Variants in HTATSF1 observed in about 807,000 individuals in gnomAD.
The protein encoded by HTATSF1 is 17S U2 SnRNP complex component HTATSF1.
A neutral mutation model predicts 46.1 loss-of-function variants in HTATSF1; 6 were observed. The observed-to-expected ratio is 0.13, with a 90% CI of 0.07 to 0.26. HTATSF1 has a LOEUF of 0.26. HTATSF1 is among the 10% of genes least tolerant of loss of function. The pLI is 1.00. For missense variants in HTATSF1, 452 were observed against 559.9 expected, an observed-to-expected ratio of 0.81 and a Z score of 1.94; for synonymous variants, 226 against 211.5, an observed-to-expected ratio of 1.07 and a Z score of -0.60.
chrX:136,510,698 A>G, intron 8 of HTATSF1, 110 bp from the exon 9 acceptor site: 1 of 864,865 alleles, frequency 1.2e-6, no homozygotes, highest in Non-Finnish European at 1.6e-6. Context: ...TTCATTTCCT[A>G]ATAAGAGATG....
chrX:136,507,266 A>G (rs926585541), intron 6 of HTATSF1, among the ~76,000 whole-genome samples: 3 of 112,192 alleles, frequency 2.7e-5, no homozygotes, highest in African/African-American at 9.7e-5. Flanking sequence ...TAGAAGCAAC[A>G]TACCTAAGAA....
chrX:136,501,463 A>T (rs1255829033), intron 4 of HTATSF1, among the ~76,000 whole-genome samples: 1 of 112,654 alleles, frequency 8.9e-6, no homozygotes, highest in African/African-American at 3.2e-5. Flanking sequence ...GAGTGGTATT[A>T]AGAGAAATTT....
Position 136,511,395 on chromosome X carries a change from A to C in HTATSF1, c.1650A>C (p.Glu550Asp). 8.3e-7 allele frequency: 1 copy of C among 1,211,370 alleles called. No individual in the cohort carries two copies. The part of the protein sequence containing the change: ...EEDDSEKESD[E>D]DCSEKQSEDG... ...ATGACTCAGAGAAAGAGTCTGATGA[A>C]GACTGCTCTGAAAAACAGTCTGAAG... The change falls in exon 9 of 9, where the codon GAA becomes GAC. Residue 550 changes from glutamate (E) to aspartate (D), a missense_variant. Glu to Asp is a conservative substitution (Grantham distance 45, BLOSUM62 2). This residue lies in a region of HTATSF1 where 246 missense variants were observed against 245.3 expected (regional missense o/e 1.00). Transcript: ENST00000218364.
chrX:136,504,233 G>C (rs1392206508), intron 5 of HTATSF1, 131 bp from the exon 6 acceptor site: 1 of 439,319 alleles, frequency 2.3e-6, no homozygotes, highest in Non-Finnish European at 3.9e-6. Flanking sequence ...AATACAGTTT[G>C]TTGTTGTAAA....
intron 1 of HTATSF1, among the ~76,000 whole-genome samples, chrX:136,498,649 C>A (rs187800481): frequency 3.6e-5 from 4 of 112,381 alleles, no homozygotes; most frequent in Admixed American, 1.9e-4. Flanking sequence ...TGTAAAAATT[C>A]TTTTGCAACT....
chrX:136,511,681 G>C lies in HTATSF1; in HGVS notation c.1936G>C (p.Glu646Gln), dbSNP rs2075769001. ...ATTTGATGATGAGTCTGATGAGAAA[G>C]AGGATGAAGAATATGCAGATGAAAA... ...KVFDDESDEK[E>Q]DEEYADEKGL... The change falls in exon 9 of 9, where the codon GAG becomes CAG. Residue 646 changes from glutamate (E) to glutamine (Q), a missense_variant. By Grantham distance (29) the Glu-to-Gln change is conservative. Coordinates refer to ENST00000218364, the MANE Select transcript of HTATSF1 (RefSeq NM_014500.5). The C allele has an allele frequency of 8.3e-7, 1 of 1,209,257 alleles. No homozygotes were observed. Among genetic ancestry groups the C allele is most frequent in the African/African-American group, 1.8e-5 (1 of 57,104 alleles).
At chrX:136,501,342 C>T (rs1018554595) in intron 4 of HTATSF1, among the ~76,000 whole-genome samples, 27 of 112,363 alleles carry the variant, frequency 2.4e-4, no homozygotes, top group Admixed American at 2.4e-3. Context: ...AAAATATTTA[C>T]GAACTGGCCC....
chrX:136,509,289 A>G, intron 7 of HTATSF1, 109 bp downstream of exon 7: 2 of 517,100 alleles, frequency 3.9e-6, no homozygotes, highest in Non-Finnish European at 6.7e-6. Flanking sequence ...GTTTTTATAT[A>G]GTAGTCCACT....
At chrX:136,500,131 A>G (rs1162512245) in intron 2 of HTATSF1, 27 bp from the exon 3 acceptor site, 10 of 929,493 alleles carry the variant, frequency 1.1e-5, no homozygotes, top group Non-Finnish European at 1.4e-5. Flanking sequence ...CAAGTGTTTT[A>G]TTTATTTAAT....
chrX:136,504,338 T>G, intron 5 of HTATSF1, 26 bp from the exon 6 acceptor site: 6 of 1,149,975 alleles, frequency 5.2e-6, no homozygotes, highest in Non-Finnish European at 7.1e-6. Flanking sequence ...AATTTACAGT[T>G]TGTTGTTACT....
chrX:136,508,540 G>A (rs1172071547), intron 6 of HTATSF1, among the ~76,000 whole-genome samples: 1 of 112,497 alleles, frequency 8.9e-6, no homozygotes, highest in Non-Finnish European at 1.9e-5. Context: ...TTATTTGTAT[G>A]GTTCTGTTAC....
chrX:136,499,548 G>A (rs753315247), intron 1 of HTATSF1, 50 bp from the exon 2 acceptor site: 2 of 965,805 alleles, frequency 2.1e-6, no homozygotes, highest in Admixed American at 3.5e-5. Context: ...TCTTATGAGT[G>A]GAAATAATTT....
chrX:136,510,784 A>G, intron 8 of HTATSF1, 24 bp from the exon 9 acceptor site: 1 of 1,162,829 alleles, frequency 8.6e-7, no homozygotes, highest in Non-Finnish European at 1.1e-6. Flanking sequence ...ACTTATTTTA[A>G]TGGCAGTCTC....
rs2075765000 is a variant in HTATSF1, at chrX:136,511,049, A to G, written c.1304A>G (p.Glu435Gly). The stretch of plus-strand genomic sequence containing the variant: ...GATGAGAAGAAGTTTGAAAAGACAG[A>G]AGATGGGGGAGAATTTGAAGAAGGT... ...PIDEKKFEKT[E>G]DGGEFEEGAS... The change falls in exon 9 of 9, where the codon GAA becomes GGA. Residue 435 changes from glutamate to glycine, a missense_variant. Physicochemically the swap from Glu to Gly is moderately conservative, Grantham distance 98. Coordinates refer to ENST00000218364, the MANE Select transcript of HTATSF1 (RefSeq NM_014500.5). The G allele has an allele frequency of 1.7e-6, 2 of 1,210,018 alleles. No individual in the cohort carries two copies. The highest frequency in any genetic ancestry group is 2.2e-5 in the Admixed American group (1 of 45,724).
At chrX:136,505,577 A>G (rs1348077218) in intron 6 of HTATSF1, among the ~76,000 whole-genome samples, 1 of 112,254 alleles carries the variant, frequency 8.9e-6, no homozygotes, top group Non-Finnish European at 1.9e-5. Flanking sequence ...TGCACACCAG[A>G]TGCATTTTGA....
chrX:136,506,111 C>T (rs1335336031), intron 6 of HTATSF1, among the ~76,000 whole-genome samples: 3 of 111,761 alleles, frequency 2.7e-5, no homozygotes, highest in African/African-American at 9.8e-5. Flanking sequence ...TTTCTACCTC[C>T]TGCCTTGCTC....
In HTATSF1 at chrX:136,511,864, T is replaced by C; in HGVS notation, c.2119T>C (p.Phe707Leu). The C allele has an allele frequency of 8.3e-7, 1 of 1,211,525 alleles. No homozygotes were observed. The highest frequency in any genetic ancestry group is 1.1e-6 in the Non-Finnish European group (1 of 895,426). ...FEDDDSNEKLFDEEEDSSEKL... is the reference protein window; with the variant it reads ...FEDDDSNEKLLDEEEDSSEKL... ...AGATGATGATTCCAATGAGAAGTTG[T>C]TTGATGAGGAGGAAGATTCCAGTGA... Residue 707 changes from phenylalanine (F) to leucine (L), a missense_variant, in exon 9 of 9, where the codon TTT (phenylalanine) becomes CTT (leucine). By Grantham distance (22) the Phe-to-Leu change is conservative (BLOSUM62 0). Around this residue, in one of 3 missense-constraint regions of HTATSF1, gnomAD observed 246 missense variants for 245.3 expected, o/e 1.00. Transcript: ENST00000218364.
Position 136,511,344 on chromosome X carries a change from T to C in HTATSF1, c.1599T>C (p.Val533=), listed in dbSNP as rs1167684323. The part of the protein sequence containing the change: ...DDLNKESEEE[V]GPTKESEEDD... ...TCAACAAGGAGTCTGAAGAGGAGGT[T>C]GGCCCCACAAAAGAGTCCGAAGAAG... The change falls in exon 9 of 9, where the codon GTT becomes GTC. Residue 533 remains valine (V), a synonymous_variant. Coordinates refer to ENST00000218364, the MANE Select transcript of HTATSF1 (RefSeq NM_014500.5). The C allele has an allele frequency of 8.3e-7, 1 of 1,206,184 alleles. No individual in the cohort carries two copies. Among genetic ancestry groups the C allele is most frequent in the African/African-American group, 1.8e-5 (1 of 56,802 alleles).
chrX:136,511,531 G>T lies in HTATSF1; in HGVS notation c.1786G>T (p.Asp596Tyr). 8.3e-7 allele frequency: 1 copy of T among 1,210,676 alleles called. No individual in the cohort carries two copies. Among genetic ancestry groups the T allele is most frequent in the South Asian group, 1.8e-5 (1 of 56,618 alleles). Residue 596 changes from aspartate (D) to tyrosine (Y), a missense_variant, in exon 9 of 9, where the codon GAC (aspartate) becomes TAC (tyrosine). Physicochemically the swap from Asp to Tyr is radical, Grantham distance 160. Coordinates refer to ENST00000218364, the MANE Select transcript of HTATSF1 (RefSeq NM_014500.5). ...NVLDKELEEN[D>Y]SENSEFEDDG... ...TCTTGACAAAGAGTTAGAAGAAAAT[G>T]ACTCTGAAAACTCCGAATTTGAAGA...
Sources: gnomAD v4.1 joint callset for allele counts (sites outside exome capture counted in the v4.1 genomes callset) on GRCh38, gnomAD v4.1.1 for gene constraint, gnomAD v4.1.1 regional missense constraint, MANE v1.5 for transcripts, NCBI Gene and HGNC (gene_info 2026-07-23, HGNC 2026-07-21) for gene names.